The following OR56A3 variants were observed in gnomAD, a reference collection of about 807,000 sequenced individuals.
OR56A3 encodes the protein olfactory receptor 56A3.
In OR56A3, 23 loss-of-function variants were observed where a neutral mutation model predicts 17.5. The observed-to-expected ratio is 1.32, with a 90% CI of 0.95 to 1.87. The LOEUF is 1.87. OR56A3 is among the 40% of genes most tolerant of loss of function. OR56A3 has a pLI of 0.00. For missense variants in OR56A3, 366 were observed against 380.1 expected, an observed-to-expected ratio of 0.96 and a Z score of 0.31; for synonymous variants, 175 against 150.6, an observed-to-expected ratio of 1.16 and a Z score of -1.19.
chr11:6,015,583 C>T, the OR56A3 span, among the ~76,000 whole-genome samples: 2 of 152,220 alleles, frequency 1.3e-5, no homozygotes, highest in African/African-American at 2.4e-5. Flanking sequence ...GGGCTGAGCC[C>T]TCCAAAGCCA....
the OR56A3 span, among the ~76,000 whole-genome samples, chr11:5,980,013 A>G: frequency 6.6e-6 from 1 of 151,996 alleles, no homozygotes; most frequent in East Asian, 1.9e-4. Context: ...TCTTCTTGGT[A>G]TTGATTTCTA....
chr11:5,968,371 T>A, the OR56A3 span: 2 of 1,613,684 alleles, frequency 1.2e-6, no homozygotes, highest in Non-Finnish European at 1.7e-6. Context: ...TTGGCCCCCA[T>A]GGCCAGGAGG....
downstream of OR56A3, among the ~76,000 whole-genome samples, chr11:5,953,889 TG>T (rs990988923): frequency 1.3e-5 from 2 of 151,960 alleles, no homozygotes; most frequent in Admixed American, 6.6e-5. Flanking sequence ...TTGTGAGAGA[TG>T]GGGGGGACTC....
chr11:6,010,605 T>C, the OR56A3 span, among the ~76,000 whole-genome samples: 107,203 of 152,068 alleles, frequency 0.7, 38,063 homozygotes, highest in East Asian at 0.94. Context: ...TGATCTTGGA[T>C]TTCCTACCCA....
chr11:5,967,539 A>G, the OR56A3 span: 8 of 1,517,536 alleles, frequency 5.3e-6, no homozygotes, highest in Admixed American at 4.3e-5. Context: ...GTCAGGTTGC[A>G]TTCATTTTAT....
chr11:5,988,714 T>C, the OR56A3 span, among the ~76,000 whole-genome samples: 1 of 152,216 alleles, frequency 6.6e-6, no homozygotes, highest in African/African-American at 2.4e-5. Flanking sequence ...TATGTTTACC[T>C]CTCATCATGA....
the OR56A3 span, among the ~76,000 whole-genome samples, chr11:5,993,547 A>C: frequency 2.0e-5 from 3 of 152,284 alleles, no homozygotes; most frequent in South Asian, 6.2e-4. Context: ...CTCAAAGGTG[A>C]GAATTAAATG....
At chr11:6,002,272 A>C in the OR56A3 span, 1 of 1,614,232 alleles carries the variant, frequency 6.2e-7, no homozygotes. Flanking sequence ...CACGTGCTCA[A>C]GGCCTTGGCC....
At chr11:5,988,428 T>C in the OR56A3 span, among the ~76,000 whole-genome samples, 35 of 152,172 alleles carry the variant, frequency 2.3e-4, no homozygotes, top group Non-Finnish European at 1.5e-5. Flanking sequence ...TTAGTTTAAA[T>C]TTTGTCCATT....
chr11:5,988,302 C>T, the OR56A3 span, among the ~76,000 whole-genome samples: 9 of 94,548 alleles, frequency 9.5e-5, no homozygotes, highest in South Asian at 2.1e-3. Flanking sequence ...CTATCAGTGT[C>T]TTAATGGTTT....
At chr11:5,946,801 T>C (rs1441934574) in intron 2 of OR56A3, among the ~76,000 whole-genome samples, 1 of 152,230 alleles carries the variant, frequency 6.6e-6, no homozygotes, top group East Asian at 1.9e-4. Flanking sequence ...AAAAAATCTC[T>C]AAGCAAAATA....
At chr11:5,958,756 T>G in the OR56A3 span, among the ~76,000 whole-genome samples, 1 of 152,210 alleles carries the variant, frequency 6.6e-6, no homozygotes, top group Admixed American at 6.5e-5. Flanking sequence ...TGCAATTATG[T>G]ATCCTTTGAC....
In OR56A3 at chr11:5,949,695, A is replaced by G. The variant is rs1460598851; in HGVS notation, c.*1401A>G. ...GAATGTTTTAAATTTAACTGAAAGC[A>G]TCTGAGATTAAGCCCTGTCCTACTC... On this transcript the variant is annotated 3_prime_UTR_variant, in exon 3 of 3. Transcript: ENST00000641160. The G allele has an allele frequency of 6.6e-6, 1 of 152,162 alleles. No homozygotes were observed. Among genetic ancestry groups the G allele is most frequent in the African/African-American group, 2.4e-5 (1 of 41,444 alleles). 9.4% of individuals were successfully genotyped at this position (152,162 alleles called of 1,614,324 possible). A position where few individuals can be genotyped will look rare whatever the true frequency, so the allele number is the denominator to read the frequency against.
chr11:5,965,884 C>T, the OR56A3 span, among the ~76,000 whole-genome samples: 2 of 151,808 alleles, frequency 1.3e-5, no homozygotes, highest in Admixed American at 1.3e-4. Context: ...GAAGAGGATA[C>T]TGGAACACAG....
At chr11:5,958,765 A>G in the OR56A3 span, among the ~76,000 whole-genome samples, 1 of 152,080 alleles carries the variant, frequency 6.6e-6, no homozygotes, top group Non-Finnish European at 1.5e-5. Context: ...GTATCCTTTG[A>G]CCAATCACTC....
chr11:5,974,263 C>A, the OR56A3 span, among the ~76,000 whole-genome samples: 2 of 152,124 alleles, frequency 1.3e-5, no homozygotes, highest in East Asian at 1.9e-4. Flanking sequence ...TCCACCACCA[C>A]GCCTGGCTAA....
chr11:5,994,700 T>C, the OR56A3 span: 1 of 830,588 alleles, frequency 1.2e-6, no homozygotes. Context: ...ACGGGCATTG[T>C]CGATTTGCAG....
downstream of OR56A3, chr11:5,951,396 G>A (rs1001556748): frequency 2.6e-5 from 4 of 151,924 alleles, no homozygotes; most frequent in African/African-American, 9.7e-5. Context: ...ATTTTTTGCT[G>A]TGTTCTTTTA....
chr11:6,007,173 A>T, the OR56A3 span, among the ~76,000 whole-genome samples: 1 of 152,350 alleles, frequency 6.6e-6, no homozygotes, highest in East Asian at 1.9e-4. Flanking sequence ...ATTAACAAAA[A>T]TGGCATTCAT....
Sources: gnomAD v4.1 joint callset for allele counts (sites outside exome capture counted in the v4.1 genomes callset) on GRCh38, gnomAD v4.1.1 for gene constraint, MANE v1.5 for transcripts, NCBI Gene and HGNC (gene_info 2026-07-23, HGNC 2026-07-21) for gene names.